The following MAP3K20 variants were observed in gnomAD, a reference collection of about 807,000 sequenced individuals.
The protein encoded by MAP3K20 is mitogen-activated protein kinase kinase kinase 20, also known as HCCS-4.
MAP3K20 carries 40 observed loss-of-function variants against 85.7 expected under a neutral mutation model. The observed-to-expected ratio is 0.47, with a 90% confidence interval of 0.36 to 0.61. The LOEUF is 0.61. Ranked by LOEUF, MAP3K20 falls within the 20% of genes least tolerant of loss-of-function variation. MAP3K20 has a pLI of 0.00. For synonymous variants in MAP3K20, 325 were observed against 327.7 expected, an observed-to-expected ratio of 0.99 and a Z score of 0.09; for missense variants, 817 against 961.7, an observed-to-expected ratio of 0.85 and a Z score of 1.99.
rs1259283687 is a variant in MAP3K20 at position 173,267,332 on chromosome 2, CTCT to C, written c.*584_*586del. ...TCTTTTTTCTTTTCTTTCTTTCCCCCTCTTTTTTTTGGATGTCCCCTTAAATTT... is the reference window on the plus strand; with the variant it reads ...TCTTTTTTCTTTTCTTTCTTTCCCCCTTTTTTTGGATGTCCCCTTAAATTT... On this transcript the variant is annotated 3_prime_UTR_variant, in exon 20 of 20. Coordinates refer to ENST00000375213, the MANE Select transcript of MAP3K20 (RefSeq NM_016653.3). 1 of 151,660 alleles carries C rather than the reference CTCT, an allele frequency of 6.6e-6. No individual in the cohort carries two copies. Among genetic ancestry groups the C allele is most frequent in the Non-Finnish European group, 1.5e-5 (1 of 67,972 alleles). 9.4% of individuals were successfully genotyped at this position (151,660 alleles called of 1,614,324 possible). A position where few individuals can be genotyped will look rare whatever the true frequency, so the allele number is the denominator to read the frequency against.
At chr2:173,252,914 T>C (rs16861437) in intron 16 of MAP3K20, among the ~76,000 whole-genome samples, 12,161 of 152,290 alleles carry the variant, frequency 0.08, 655 homozygotes, top group African/African-American at 0.14. Flanking sequence ...AAGGTCAGAA[T>C]TGGTGTTATA....
chr2:173,198,123 G>A lies in MAP3K20; in HGVS notation c.669+11G>A, dbSNP rs371508555. 2.7e-5 allele frequency: 43 copies of A among 1,609,426 alleles called. No homozygotes were observed. The highest frequency in any genetic ancestry group is 6.7e-5 in the African/African-American group (5 of 74,836). On this transcript the variant is annotated intron_variant, in intron 8 of 19. Coordinates refer to ENST00000375213, the MANE Select transcript of MAP3K20 (RefSeq NM_016653.3). This position sits in a 1 kb window ranked among gnomAD's most constrained non-coding sequence, Gnocchi z 5.8. The stretch of plus-strand genomic sequence containing the variant: ...GTGGAAAAAAACGAGGTAAGACTAC[G>A]TTTCTCCATTCAGGTACATAGATCA...
intron 2 of MAP3K20, among the ~76,000 whole-genome samples, chr2:173,144,713 A>T (rs1376108509): frequency 6.6e-6 from 1 of 151,922 alleles, no homozygotes; most frequent in Non-Finnish European, 1.5e-5. Context: ...AAAAAGACCT[A>T]AATAAGTGGA....
At chr2:173,154,192 T>C (rs1167850603) in intron 2 of MAP3K20, among the ~76,000 whole-genome samples, 1 of 152,134 alleles carries the variant, frequency 6.6e-6, no homozygotes, top group Non-Finnish European at 1.5e-5. Flanking sequence ...GAATCCATTC[T>C]CTTTTTTTTG....
chr2:173,146,285 GGGATTCT>G (rs1218423146), intron 2 of MAP3K20, among the ~76,000 whole-genome samples: 6 of 151,762 alleles, frequency 4.0e-5, no homozygotes, highest in African/African-American at 1.2e-4. Flanking sequence ...GCCTTTTAGA[GGGATTCT>G]CCAGAAGCGC....
intron 3 of MAP3K20, 77 bp from the exon 4 acceptor site, chr2:173,182,777 C>T: frequency 3.9e-6 from 4 of 1,016,920 alleles, no homozygotes; most frequent in Non-Finnish European, 5.5e-6. Flanking sequence ...AATGTATTTT[C>T]TCAATGAAAA....
chr2:173,199,826 G>T (rs1200843695), intron 8 of MAP3K20, among the ~76,000 whole-genome samples: 2 of 152,062 alleles, frequency 1.3e-5, no homozygotes, highest in East Asian at 3.8e-4. Flanking sequence ...ATCCGTGAAG[G>T]ATTTTTAAAG....
chr2:173,120,835 G>C (rs1230930483), intron 2 of MAP3K20, among the ~76,000 whole-genome samples: 1 of 149,986 alleles, frequency 6.7e-6, no homozygotes, highest in Non-Finnish European at 1.5e-5. Context: ...AGCCTCCTGA[G>C]TAGCTGGGAC....
chr2:173,199,667 T>G (rs1690973666), intron 8 of MAP3K20, among the ~76,000 whole-genome samples: 1 of 150,258 alleles, frequency 6.7e-6, no homozygotes, highest in Non-Finnish European at 1.5e-5. Flanking sequence ...AGGTTGTTTT[T>G]TTTTTTTTTT....
At chr2:173,145,196 A>T (rs2106219436) in intron 2 of MAP3K20, among the ~76,000 whole-genome samples, 1 of 152,106 alleles carries the variant, frequency 6.6e-6, no homozygotes, top group African/African-American at 2.4e-5. Context: ...AAACCATAAC[A>T]GGTACTAAAA....
At chr2:173,134,420 A>ATT (rs1559246094) in intron 2 of MAP3K20, among the ~76,000 whole-genome samples, 10 of 6,154 alleles carry the variant, frequency 1.6e-3, no homozygotes, top group African/African-American at 3.7e-3. Context: ...ATATATATAT[A>ATT]TATATATATT....
Position 173,258,796 on chromosome 2 carries a change from A to G in MAP3K20, c.1457A>G (p.Glu486Gly), listed in dbSNP as rs1040733842. ...VTFNTNLPDA[E>G]ILKMTKPPFV... ...TTCAACACTAACCTACCTGATGCGG[A>G]GATTTTAAAGATGACAAAGGTAGGG... The change falls in exon 17 of 20, where the codon GAG becomes GGG. Residue 486 changes from glutamate to glycine, a missense_variant. This residue lies in a region of MAP3K20 where 454 missense variants were observed against 476.9 expected (regional missense o/e 0.95). Transcript: ENST00000375213. 1 of 1,606,460 alleles carries G rather than the reference A, an allele frequency of 6.2e-7. No individual in the cohort carries two copies. Among genetic ancestry groups the G allele is most frequent in the Admixed American group, 1.7e-5 (1 of 59,786 alleles).
chr2:173,148,134 T>C (rs1424297463), intron 2 of MAP3K20, among the ~76,000 whole-genome samples: 1 of 152,214 alleles, frequency 6.6e-6, no homozygotes, highest in Non-Finnish European at 1.5e-5. Context: ...AGGAATACAC[T>C]GTTTCTTATG....
chr2:173,144,186 G>A lies in MAP3K20; in HGVS notation c.160-25619G>A, dbSNP rs181853060. On this transcript the variant is annotated intron_variant, in intron 2 of 19. Transcript: ENST00000375213. ...GAAAATAAAAGAAAGAAAGAAGGCCGGGTGTGGTGGCTCACGCCTGTAATC... is the reference window on the plus strand; with the variant it reads ...GAAAATAAAAGAAAGAAAGAAGGCCAGGTGTGGTGGCTCACGCCTGTAATC... Among the ~76,000 whole-genome samples the A allele has an allele frequency of 3.2e-3, 483 of 151,868 alleles. 2 individuals carry two copies. The highest frequency in any genetic ancestry group is 0.01 in the Middle Eastern group (3 of 294).
At chr2:173,210,883 C>T (rs764823570) in intron 10 of MAP3K20, 1 of 152,086 alleles carries the variant, frequency 6.6e-6, no homozygotes, top group African/African-American at 2.4e-5. Flanking sequence ...TGTTGTTTTA[C>T]AATAACCTTA....
intron 3 of MAP3K20, among the ~76,000 whole-genome samples, chr2:173,176,786 T>C (rs561572963): frequency 1.3e-5 from 2 of 152,306 alleles, no homozygotes; most frequent in African/African-American, 2.4e-5. Context: ...GATCCAATTA[T>C]GTACTCTCTA....
rs1457894612 is a variant in MAP3K20 at position 173,182,892 on chromosome 2, A to G, written c.286A>G (p.Ser96Gly). ...SLGSLYDYIN[S>G]NRSEEMDMDH... ...GGGATCACTCTATGATTACATTAAC[A>G]GTAACAGAAGTGAGGAGATGGATAT... Residue 96 changes from serine (S) to glycine (G), a missense_variant, in exon 4 of 20, where the codon AGT (serine) becomes GGT (glycine). Around this residue, in one of 4 missense-constraint regions of MAP3K20, gnomAD observed 200 missense variants for 302.7 expected, o/e 0.66. Transcript: ENST00000375213. 1.2e-6 allele frequency: 2 copies of G among 1,609,808 alleles called. No individual in the cohort carries two copies. Among genetic ancestry groups the G allele is most frequent in the Non-Finnish European group, 1.7e-6 (2 of 1,178,284 alleles).
chr2:173,113,515 A>G (rs1688031814), intron 2 of MAP3K20, among the ~76,000 whole-genome samples: 1 of 151,836 alleles, frequency 6.6e-6, no homozygotes, highest in African/African-American at 2.4e-5. Flanking sequence ...TCAGTCTTTG[A>G]TGTAGGCATT....
chr2:173,267,134 T>C lies in MAP3K20; in HGVS notation c.*384T>C, dbSNP rs1313236245. 1 of 157,400 alleles carries C rather than the reference T, an allele frequency of 6.4e-6. No homozygotes were observed. 9.8% of individuals were successfully genotyped at this position (157,400 alleles called of 1,614,324 possible). ...AAAAGATAAGATGAATGTTACTGAT[T>C]TTTCCTTTTGGCTGAGGCTGCAATA... On this transcript the variant is annotated 3_prime_UTR_variant, in exon 20 of 20. Coordinates refer to ENST00000375213, the MANE Select transcript of MAP3K20 (RefSeq NM_016653.3).
Sources: gnomAD v4.1 joint callset for allele counts (sites outside exome capture counted in the v4.1 genomes callset) on GRCh38, gnomAD v4.1.1 for gene constraint, gnomAD v4.1.1 regional missense constraint, Gnocchi (gnomAD v3.1) non-coding constraint, MANE v1.5 for transcripts, NCBI Gene and HGNC (gene_info 2026-07-23, HGNC 2026-07-21) for gene names.